MCC: variants seen among roughly 807,000 people sequenced by gnomAD.
MCC encodes colorectal mutant cancer protein.
Under a neutral mutation model 116.2 loss-of-function variants are expected in MCC, and 90 were observed. The observed-to-expected ratio is 0.77, with a 90% CI of 0.65 to 0.92. The LOEUF (loss-of-function observed/expected upper bound fraction) is 0.92, where lower values mean the gene tolerates loss of function less well. Ranked by LOEUF, MCC falls within the 40% of genes least tolerant of loss-of-function variation. The probability of loss-of-function intolerance (pLI) is 0.00; values close to 1 mark genes in which losing one functional copy is unlikely to be tolerated. For missense variants in MCC, 1,516 were observed against 1,312.2 expected, an observed-to-expected ratio of 1.16 and a Z score of -2.40; for synonymous variants, 578 against 510.5, an observed-to-expected ratio of 1.13 and a Z score of -1.78.
chr5:113,107,208 C>CTTTT (rs746820475), intron 6 of MCC, among the ~76,000 whole-genome samples: 5 of 125,068 alleles, frequency 4.0e-5, no homozygotes, highest in Non-Finnish European at 4.7e-5. Context: ...GCATGTTTTT[C>CTTTT]TTTTTTTTTT....
At chr5:113,066,259 T>C (rs991230321) in intron 13 of MCC, among the ~76,000 whole-genome samples, 2 of 152,198 alleles carry the variant, frequency 1.3e-5, no homozygotes, top group African/African-American at 4.8e-5. Context: ...GTTAAGACAC[T>C]CCGCTGATAA....
At chr5:113,119,366 G>T (rs780185454) in intron 6 of MCC, among the ~76,000 whole-genome samples, 2 of 152,192 alleles carry the variant, frequency 1.3e-5, no homozygotes, top group African/African-American at 2.4e-5. Flanking sequence ...CATGACTCTA[G>T]AGGGGAGGGC....
chr5:113,029,196 C>T, intron 17 of MCC, 140 bp from the exon 18 acceptor site: 1 of 659,124 alleles, frequency 1.5e-6, no homozygotes, highest in Non-Finnish European at 2.4e-6. Flanking sequence ...TACTAAAGGG[C>T]CCAACAGCGC....
At chr5:113,403,724 G>A (rs1769755222) in intron 1 of MCC, among the ~76,000 whole-genome samples, 1 of 152,178 alleles carries the variant, frequency 6.6e-6, no homozygotes, top group African/African-American at 2.4e-5. Flanking sequence ...CGAGCTGTAA[G>A]CCCCCAGCGG....
intron 1 of MCC, among the ~76,000 whole-genome samples, chr5:113,412,485 A>C (rs1414048707): frequency 1.3e-5 from 2 of 152,194 alleles, no homozygotes; most frequent in Non-Finnish European, 2.9e-5. Flanking sequence ...GAGGTCCTTC[A>C]CATCCCTTGT....
At chr5:113,403,790 G>A (rs1769756836) in intron 1 of MCC, among the ~76,000 whole-genome samples, 1 of 152,206 alleles carries the variant, frequency 6.6e-6, no homozygotes, top group South Asian at 2.1e-4. Flanking sequence ...AGTTAGTGGA[G>A]CGGCTCAATG....
chr5:113,153,320 A>G (rs1445962377), intron 3 of MCC, among the ~76,000 whole-genome samples: 1 of 151,914 alleles, frequency 6.6e-6, no homozygotes, highest in Admixed American at 6.6e-5. Flanking sequence ...GGGTTGGGGG[A>G]GGCCTGGAGG....
intron 3 of MCC, among the ~76,000 whole-genome samples, chr5:113,215,966 G>T (rs1162287267): frequency 6.6e-6 from 1 of 152,180 alleles, no homozygotes; most frequent in Non-Finnish European, 1.5e-5. Flanking sequence ...AATCAAAACT[G>T]TTGTTTCTCA....
intron 3 of MCC, chr5:113,234,619 C>G (rs1284286011): frequency 6.6e-6 from 1 of 152,130 alleles, no homozygotes; most frequent in South Asian, 2.1e-4. Flanking sequence ...TCCAATTTCC[C>G]TTTAAAAATA....
chr5:113,090,547 T>C (rs887683667), intron 8 of MCC, among the ~76,000 whole-genome samples: 10 of 152,080 alleles, frequency 6.6e-5, no homozygotes, highest in Non-Finnish European at 1.0e-4. Flanking sequence ...GAAACAAAAT[T>C]TGGACACGTT....
At chr5:113,128,242 G>A (rs1758197070) in intron 5 of MCC, among the ~76,000 whole-genome samples, 1 of 152,194 alleles carries the variant, frequency 6.6e-6, no homozygotes, top group Non-Finnish European at 1.5e-5. Context: ...AATGATTTGT[G>A]GAGAAGAGCC....
chr5:113,174,517 T>C (rs1407220787), intron 3 of MCC, among the ~76,000 whole-genome samples: 1 of 152,126 alleles, frequency 6.6e-6, no homozygotes, highest in Non-Finnish European at 1.5e-5. Context: ...TACACTGACA[T>C]ATCCATACTT....
chr5:113,371,972 A>G (rs1252353006), intron 2 of MCC, among the ~76,000 whole-genome samples: 1 of 152,242 alleles, frequency 6.6e-6, no homozygotes, highest in East Asian at 1.9e-4. Context: ...AAAAATAACT[A>G]AAATCACGCC....
At chr5:113,469,071 C>A (rs1283113942) in intron 1 of MCC, among the ~76,000 whole-genome samples, 3 of 152,108 alleles carry the variant, frequency 2.0e-5, no homozygotes, top group Admixed American at 2.0e-4. Context: ...ATTCTTCTCT[C>A]TTTTCTTCTT....
intron 3 of MCC, among the ~76,000 whole-genome samples, chr5:113,181,936 C>A (rs1260478186): frequency 2.0e-5 from 3 of 152,108 alleles, no homozygotes; most frequent in African/African-American, 7.2e-5. Context: ...GACCCCATTC[C>A]CTATCAGGTG....
At chr5:113,067,594 C>G (rs567400495) in intron 13 of MCC, among the ~76,000 whole-genome samples, 1 of 152,302 alleles carries the variant, frequency 6.6e-6, no homozygotes, top group Non-Finnish European at 1.5e-5. Context: ...CAAGATTGCA[C>G]CATTGCACTC....
intron 5 of MCC, among the ~76,000 whole-genome samples, chr5:113,127,743 A>G (rs528517024): frequency 3.0e-4 from 45 of 152,050 alleles, no homozygotes; most frequent in African/African-American, 1.1e-3. Flanking sequence ...TGCTGGAAAG[A>G]CCTTTGTTTG....
chr5:113,434,062 G>A lies in MCC; in HGVS notation c.171-48850C>T. ...CTGAGGATCTCGTCGATGTGGAGCC[G>A]CCGGTTGACGTCGGGCTGCAGCATG... On this transcript the variant is annotated intron_variant, in intron 1 of 18. Coordinates refer to ENST00000408903, the MANE Select transcript of MCC (RefSeq NM_001085377.2). The surrounding 1 kb of genome is among the most constrained non-coding windows in gnomAD (Gnocchi z 4.2). The A allele has an allele frequency of 2.5e-6, 4 of 1,614,130 alleles. No homozygotes were observed. Among genetic ancestry groups the A allele is most frequent in the South Asian group, 1.1e-5 (1 of 91,084 alleles).
At chr5:113,186,261 G>A (rs995448155) in intron 3 of MCC, among the ~76,000 whole-genome samples, 2 of 152,190 alleles carry the variant, frequency 1.3e-5, no homozygotes, top group Non-Finnish European at 2.9e-5. Context: ...GGCAGGGGAC[G>A]TGCCAGCAGG....
Sources: gnomAD v4.1 joint callset for allele counts (sites outside exome capture counted in the v4.1 genomes callset) on GRCh38, gnomAD v4.1.1 for gene constraint, Gnocchi (gnomAD v3.1) non-coding constraint, MANE v1.5 for transcripts, NCBI Gene and HGNC (gene_info 2026-07-23, HGNC 2026-07-21) for gene names.